MMS22L: variants seen among roughly 807,000 people sequenced by gnomAD.
MMS22L encodes MMS22 like, DNA repair protein.
In MMS22L, 74 loss-of-function variants were observed where a neutral mutation model predicts 159.1. That is an observed-to-expected ratio of 0.47 (90% CI 0.39 to 0.56). MMS22L has a LOEUF of 0.56. MMS22L is among the 20% of genes least tolerant of loss of function. The probability of loss-of-function intolerance (pLI) is 0.00; values close to 1 mark genes in which losing one functional copy is unlikely to be tolerated. For synonymous variants in MMS22L, 517 were observed against 506.9 expected (o/e 1.02, Z -0.27); for missense variants, 1,351 against 1,422.1 (o/e 0.95, Z 0.80).
At chr6:97,236,899 C>T (rs1183114175) in intron 11 of MMS22L, among the ~76,000 whole-genome samples, 2 of 149,694 alleles carry the variant, frequency 1.3e-5, no homozygotes, top group East Asian at 2.0e-4. Flanking sequence ...TGCAGTGAGC[C>T]GAAATAGCGC....
At chr6:97,189,122 A>G (rs1805574886) in intron 14 of MMS22L, among the ~76,000 whole-genome samples, 1 of 151,992 alleles carries the variant, frequency 6.6e-6, no homozygotes, top group South Asian at 2.1e-4. Context: ...ATGCTAGAAA[A>G]CATGTATTCA....
In MMS22L at chr6:97,272,685, C is replaced by A. The variant is rs1196683950; in HGVS notation, c.606+19G>T. 1.3e-6 allele frequency: 2 copies of A among 1,586,144 alleles called. No homozygotes were observed. Among genetic ancestry groups the A allele is most frequent in the South Asian group, 1.2e-5 (1 of 86,950 alleles). On this transcript the variant is annotated intron_variant, in intron 6 of 24. Coordinates refer to ENST00000683635, the MANE Select transcript of MMS22L (RefSeq NM_001350599.2). ...GAGAAAAAGCTGATAATTTAAAAAT[C>A]AAATGAAACAAGTCAAACCTTAATC...
chr6:97,279,827 A>T (rs1816595405), intron 3 of MMS22L, among the ~76,000 whole-genome samples: 1 of 152,054 alleles, frequency 6.6e-6, no homozygotes, highest in Admixed American at 6.6e-5. Flanking sequence ...AAAACATTCT[A>T]GGTTAACAGT....
intron 4 of MMS22L, among the ~76,000 whole-genome samples, chr6:97,273,589 C>T (rs533530787): frequency 1.3e-5 from 2 of 152,322 alleles, no homozygotes; most frequent in African/African-American, 2.4e-5. Flanking sequence ...AACACCTATA[C>T]TTGGATTGCT....
intron 11 of MMS22L, among the ~76,000 whole-genome samples, chr6:97,238,570 C>G (rs1243483417): frequency 1.8e-5 from 1 of 54,400 alleles, no homozygotes. Flanking sequence ...CGTGTCTCAT[C>G]TCGTGTGTGT....
chr6:97,158,013 T>C (rs1456798953), intron 22 of MMS22L, among the ~76,000 whole-genome samples: 1 of 152,204 alleles, frequency 6.6e-6, no homozygotes, highest in Non-Finnish European at 1.5e-5. Context: ...TATTGGTCTA[T>C]TCAGATGTTC....
chr6:97,217,729 A>C (rs931681751), intron 14 of MMS22L, among the ~76,000 whole-genome samples: 1 of 152,154 alleles, frequency 6.6e-6, no homozygotes, highest in Non-Finnish European at 1.5e-5. Context: ...GAAAGCTTTG[A>C]TATCTTTTCT....
chr6:97,155,963 C>T lies in MMS22L; in HGVS notation c.3386-4096G>A, dbSNP rs184405676. 7.7e-3 allele frequency among the ~76,000 whole-genome samples: 1,169 copies of T among 152,272 alleles called. 12 individuals are homozygous for T. Among genetic ancestry groups the T allele is most frequent in the Non-Finnish European group, 0.011 (769 of 68,018 alleles). ...ACACTCCCAACAGTGTGAAAGTGTT[C>T]CTATTTCTCCACATCCTCTCCAGCA... On this transcript the variant is annotated intron_variant, in intron 22 of 24. Transcript: ENST00000683635.
rs373216562 is a variant in MMS22L at position 97,267,878 on chromosome 6, G to A, written c.822C>T (p.Tyr274=). The A allele has an allele frequency of 3.6e-5, 57 of 1,602,076 alleles. No homozygotes were observed. Among genetic ancestry groups the A allele is most frequent in the Non-Finnish European group, 4.4e-5 (52 of 1,176,122 alleles). The change falls in exon 8 of 25, where the codon TAC becomes TAT. Residue 274 remains tyrosine (Y), a synonymous_variant. Transcript: ENST00000683635. The part of the protein sequence containing the change: ...CDLISLSLNR[Y]DKVRSSESLM... ...CAAACTCTTAAAGCATTACCTTGTC[G>A]TACCTGTTGAGTGACAGGCTTATTA... is the stretch of plus-strand genomic sequence containing the variant.
chr6:97,188,308 G>C (rs1805463760), intron 14 of MMS22L, among the ~76,000 whole-genome samples: 1 of 152,124 alleles, frequency 6.6e-6, no homozygotes, highest in Non-Finnish European at 1.5e-5. Flanking sequence ...TACTTGAGTA[G>C]GATGGATTTT....
At chr6:97,276,928 CTT>C (rs1206907424) in intron 4 of MMS22L, among the ~76,000 whole-genome samples, 2 of 152,204 alleles carry the variant, frequency 1.3e-5, no homozygotes, top group Non-Finnish European at 2.9e-5. Context: ...TATTTTTCCT[CTT>C]TGATTCGTCA....
intron 24 of MMS22L, among the ~76,000 whole-genome samples, chr6:97,149,620 A>T (rs977218687): frequency 2.6e-5 from 4 of 152,210 alleles, no homozygotes; most frequent in African/African-American, 9.6e-5. Flanking sequence ...TAAAGCGGTC[A>T]CTTTGAAAGG....
At chr6:97,279,269 G>A (rs1354506462) in intron 3 of MMS22L, among the ~76,000 whole-genome samples, 3 of 150,756 alleles carry the variant, frequency 2.0e-5, no homozygotes, top group Non-Finnish European at 3.0e-5. Flanking sequence ...GGATTACGAG[G>A]TCAGGAGATC....
Position 97,182,001 on chromosome 6 carries a change from G to C in MMS22L, c.2287C>G (p.Pro763Ala), listed in dbSNP as rs1247173900. 2 of 1,613,610 alleles carry C rather than the reference G, an allele frequency of 1.2e-6. No homozygotes were observed. The highest frequency in any genetic ancestry group is 1.7e-6 in the Non-Finnish European group (2 of 1,179,764). Residue 763 changes from proline (P) to alanine (A), a missense_variant, in exon 16 of 25, where the codon CCT (proline) becomes GCT (alanine). Coordinates refer to ENST00000683635, the MANE Select transcript of MMS22L (RefSeq NM_001350599.2). ...TGAATAATTGATATAACTGGCTGAG[G>C]CTGAAAATCTGATGGAGCTGTGCTT... The part of the protein sequence containing the change: ...MPSTAPSDFQ[P>A]QPVISIIQLF...
chr6:97,228,554 C>T (rs1371030048), intron 14 of MMS22L, among the ~76,000 whole-genome samples: 1 of 152,114 alleles, frequency 6.6e-6, no homozygotes, highest in Non-Finnish European at 1.5e-5. Context: ...TTACATTCAG[C>T]CTGTGTATAA....
At chr6:97,232,325 T>C (rs905304076) in intron 12 of MMS22L, among the ~76,000 whole-genome samples, 29 of 152,286 alleles carry the variant, frequency 1.9e-4, no homozygotes, top group African/African-American at 6.7e-4. Context: ...CCAGATGCCT[T>C]ATTTCATTAA....
intron 9 of MMS22L, chr6:97,259,583 T>C (rs1182579559): frequency 6.6e-6 from 1 of 152,114 alleles, no homozygotes; most frequent in African/African-American, 2.4e-5. Flanking sequence ...TGCAGACCTT[T>C]GGACTGAGAC....
intron 19 of MMS22L, among the ~76,000 whole-genome samples, chr6:97,171,911 A>G (rs994163466): frequency 2.6e-5 from 4 of 152,200 alleles, no homozygotes; most frequent in Admixed American, 1.3e-4. Flanking sequence ...ATTCCTAACA[A>G]ATAAATGGGC....
At chr6:97,273,600 CAG>C (rs1815971187) in intron 4 of MMS22L, among the ~76,000 whole-genome samples, 2 of 152,294 alleles carry the variant, frequency 1.3e-5, no homozygotes, top group South Asian at 4.2e-4. Flanking sequence ...TTGGATTGCT[CAG>C]ACAGTGCAAA....
Sources: allele counts gnomAD v4.1 joint callset (sites outside exome capture counted in the v4.1 genomes callset), GRCh38; gene constraint gnomAD v4.1.1; transcripts MANE v1.5; gene names NCBI Gene and HGNC (gene_info 2026-07-23, HGNC 2026-07-21).